LINGO2: variants seen among roughly 807,000 people sequenced by gnomAD.
The protein encoded by LINGO2 is leucine rich repeat and Ig domain containing 2, also known as leucine-rich repeat and immunoglobulin-like domain-containing nogo receptor-interacting protein 2.
Under a neutral mutation model 30.6 loss-of-function variants are expected in LINGO2, and 14 were observed. The observed-to-expected ratio is 0.46, with a 90% CI of 0.30 to 0.72. The LOEUF is 0.72. Among genes scored for constraint, LINGO2 ranks in the 30% least tolerant of loss-of-function variants. LINGO2 has a pLI of 0.07. For synonymous variants in LINGO2, 317 were observed against 288.5 expected (o/e 1.10, Z -1.00); for missense variants, 729 against 751.7 (o/e 0.97, Z 0.35).
At chr9:28,545,677 G>A (rs1821900826) in intron 1 of LINGO2, among the ~76,000 whole-genome samples, 1 of 151,956 alleles carries the variant, frequency 6.6e-6, no homozygotes, top group Non-Finnish European at 1.5e-5. Flanking sequence ...ACTTTTAGTG[G>A]TCCTTAGGTG....
intron 4 of LINGO2, among the ~76,000 whole-genome samples, chr9:28,232,467 A>G (rs375221499): frequency 5.3e-5 from 8 of 150,316 alleles, no homozygotes; most frequent in Admixed American, 5.3e-4. Context: ...TTTTTCTCCC[A>G]GAGCTTATTA....
At chr9:29,142,999 A>G in the LINGO2 span, among the ~76,000 whole-genome samples, 4 of 152,032 alleles carry the variant, frequency 2.6e-5, no homozygotes, top group Non-Finnish European at 4.4e-5. Context: ...TTAATTCTCT[A>G]ATAAGTAATC....
At chr9:28,251,171 A>G (rs4130944) in intron 4 of LINGO2, among the ~76,000 whole-genome samples, 4,213 of 152,260 alleles carry the variant, frequency 0.028, 181 homozygotes, top group African/African-American at 0.095. Flanking sequence ...TCTGCCCCCT[A>G]TGATGAATAT....
chr9:28,883,668 A>ATT, the LINGO2 span, among the ~76,000 whole-genome samples: 1 of 124,296 alleles, frequency 8.0e-6, no homozygotes, highest in South Asian at 2.5e-4. Flanking sequence ...ATATATATAT[A>ATT]TTTGGTTTTT....
the LINGO2 span, among the ~76,000 whole-genome samples, chr9:29,176,220 CAA>C: frequency 6.6e-6 from 1 of 152,142 alleles, no homozygotes; most frequent in Non-Finnish European, 1.5e-5. Flanking sequence ...GACAACTAAC[CAA>C]AAGTCACCTT....
the LINGO2 span, among the ~76,000 whole-genome samples, chr9:29,120,910 T>G: frequency 2.3e-3 from 350 of 152,264 alleles, 1 homozygote; most frequent in African/African-American, 8.0e-3. Flanking sequence ...ATAAATGGTG[T>G]ATAATAAGTG....
At chr9:28,478,479 A>G (rs1421209186) in intron 1 of LINGO2, among the ~76,000 whole-genome samples, 5 of 152,102 alleles carry the variant, frequency 3.3e-5, no homozygotes, top group East Asian at 1.9e-4. Context: ...TATCCATCAC[A>G]TAGGTTACTC....
intron 3 of LINGO2, among the ~76,000 whole-genome samples, chr9:28,342,693 AAACT>A (rs1459602893): frequency 6.6e-6 from 1 of 152,134 alleles, no homozygotes; most frequent in Non-Finnish European, 1.5e-5. Context: ...AGGAGGACTG[AAACT>A]AACTTCTCCT....
chr9:28,602,185 T>C (rs1825513369), intron 1 of LINGO2, among the ~76,000 whole-genome samples: 2 of 152,076 alleles, frequency 1.3e-5, no homozygotes, highest in African/African-American at 2.4e-5. Context: ...ATCTCAGAGT[T>C]TGTCTTAAGG....
chr9:28,004,079 G>A (rs1044042309), intron 5 of LINGO2, among the ~76,000 whole-genome samples: 1 of 152,124 alleles, frequency 6.6e-6, no homozygotes, highest in East Asian at 1.9e-4. Context: ...CTAGCCTTCA[G>A]TATGAGAATT....
chr9:27,940,827 G>C, the LINGO2 span: 1 of 152,188 alleles, frequency 6.6e-6, no homozygotes, highest in Non-Finnish European at 1.5e-5. Context: ...TGAGTTAAAA[G>C]TATGTTTAGC....
At chr9:29,038,392 C>A in the LINGO2 span, among the ~76,000 whole-genome samples, 1 of 151,964 alleles carries the variant, frequency 6.6e-6, no homozygotes, top group African/African-American at 2.4e-5. Context: ...TCTGAAGTAA[C>A]TGGCATAGGA....
intron 4 of LINGO2, among the ~76,000 whole-genome samples, chr9:28,110,547 A>C (rs1182671306): frequency 6.6e-6 from 1 of 152,054 alleles, no homozygotes; most frequent in Non-Finnish European, 1.5e-5. Flanking sequence ...ACAAATTTAC[A>C]AGAAAATAAA....
the LINGO2 span, among the ~76,000 whole-genome samples, chr9:28,691,840 A>G: frequency 2.5e-3 from 384 of 152,328 alleles, 1 homozygote; most frequent in Middle Eastern, 0.044. Context: ...ACTATATGCC[A>G]AAGCATAGCT....
chr9:28,002,302 C>CAT (rs139561659), intron 5 of LINGO2, among the ~76,000 whole-genome samples: 25,358 of 151,830 alleles, frequency 0.17, 2,075 homozygotes, highest in African/African-American at 0.2. Flanking sequence ...CAATTTGTTT[C>CAT]ATATGACAAA....
chr9:28,804,583 G>A, the LINGO2 span, among the ~76,000 whole-genome samples: 1 of 151,586 alleles, frequency 6.6e-6, no homozygotes, highest in Non-Finnish European at 1.5e-5. Context: ...AACAGATCTG[G>A]AATAGGACAA....
At chr9:29,196,438 G>T in the LINGO2 span, among the ~76,000 whole-genome samples, 1 of 151,886 alleles carries the variant, frequency 6.6e-6, no homozygotes, top group Non-Finnish European at 1.5e-5. Context: ...TTTAATATAT[G>T]CAACTTGAAG....
the LINGO2 span, among the ~76,000 whole-genome samples, chr9:29,159,112 T>C: frequency 6.6e-6 from 1 of 152,048 alleles, no homozygotes; most frequent in Admixed American, 6.5e-5. Flanking sequence ...TGCACTATAC[T>C]CAAATCTCAG....
At chr9:28,320,074 T>C (rs1047857010) in intron 3 of LINGO2, among the ~76,000 whole-genome samples, 13 of 152,156 alleles carry the variant, frequency 8.5e-5, no homozygotes, top group African/African-American at 1.9e-4. Flanking sequence ...AATATTTTAG[T>C]GTGCAAAATA....
Sources: gnomAD v4.1 joint callset for allele counts (sites outside exome capture counted in the v4.1 genomes callset) on GRCh38, gnomAD v4.1.1 for gene constraint, MANE v1.5 for transcripts, NCBI Gene and HGNC (gene_info 2026-07-23, HGNC 2026-07-21) for gene names.